Variants in CSMD1 observed in about 807,000 individuals in gnomAD.
CSMD1 encodes the protein CUB and sushi domain-containing protein 1.
A neutral mutation model predicts 417.5 loss-of-function variants in CSMD1; 213 were observed. The ratio of observed to expected loss-of-function variants is 0.51; its 90% confidence interval spans 0.46 to 0.57. The LOEUF is 0.57. CSMD1 is among the 20% of genes least tolerant of loss of function. CSMD1 has a pLI of 0.00. For synonymous variants in CSMD1, 2,862 were observed against 1,736.8 expected (o/e 1.65, Z -16.11); for missense variants, 6,923 against 4,529.7 (o/e 1.53, Z -15.17).
intron 3 of CSMD1, among the ~76,000 whole-genome samples, chr8:4,131,948 T>C (rs1023656059): frequency 1.3e-5 from 2 of 151,882 alleles, no homozygotes; most frequent in African/African-American, 2.4e-5. Context: ...TATTTTTTAG[T>C]AGAGACCGGC....
chr8:3,976,474 G>T (rs1310456166), intron 5 of CSMD1, among the ~76,000 whole-genome samples: 1 of 152,152 alleles, frequency 6.6e-6, no homozygotes, highest in African/African-American at 2.4e-5. Context: ...CCCGGGTCTA[G>T]AAGTGTGACT....
intron 10 of CSMD1, among the ~76,000 whole-genome samples, chr8:3,561,516 C>T (rs1474808875): frequency 6.6e-6 from 1 of 152,014 alleles, no homozygotes; most frequent in East Asian, 1.9e-4. Context: ...TAAAATAATG[C>T]AGAAATGGAA....
intron 2 of CSMD1, among the ~76,000 whole-genome samples, chr8:4,592,752 C>T (rs578222453): frequency 5.3e-5 from 8 of 152,054 alleles, no homozygotes; most frequent in East Asian, 1.9e-4. Flanking sequence ...TTTTTATCTA[C>T]GAATTTTAAT....
In CSMD1 at chr8:4,329,099, G is replaced by A. The variant is rs1173849317; in HGVS notation, c.415+90854C>T. ...TGCACAACAAATAAATCCAAGCCTT[G>A]TATTGCGTCTACAGACTGTATGGCT... On this transcript the variant is annotated intron_variant, in intron 3 of 69. Transcript: ENST00000635120. 2.6e-5 allele frequency among the ~76,000 whole-genome samples: 4 copies of A among 152,216 alleles called. No homozygotes were observed. The East Asian group carries it at 7.7e-4, about 29-fold the overall frequency.
intron 3 of CSMD1, among the ~76,000 whole-genome samples, chr8:4,166,503 G>C (rs959517497): frequency 6.6e-6 from 1 of 152,160 alleles, no homozygotes; most frequent in African/African-American, 2.4e-5. Flanking sequence ...AGTAACTCAG[G>C]AATGGAAAAG....
intron 5 of CSMD1, among the ~76,000 whole-genome samples, chr8:3,954,292 T>C (rs776669199): frequency 2.0e-5 from 3 of 152,146 alleles, no homozygotes; most frequent in Non-Finnish European, 2.9e-5. Flanking sequence ...GAAGGTGCGC[T>C]TGGGAGAGAC....
intron 1 of CSMD1, among the ~76,000 whole-genome samples, chr8:4,848,514 C>G (rs924872863): frequency 1.3e-5 from 2 of 151,978 alleles, no homozygotes; most frequent in Non-Finnish European, 2.9e-5. Flanking sequence ...AAAAGTCTAG[C>G]ACATAAAATG....
intron 26 of CSMD1, among the ~76,000 whole-genome samples, chr8:3,239,943 A>G (rs146738566): frequency 0.15 from 21,600 of 147,978 alleles, 2,076 homozygotes; most frequent in Admixed American, 0.21. Context: ...CAAAGAGTGA[A>G]TACAGCTGAA....
chr8:3,496,805 G>A (rs952340785), intron 10 of CSMD1, among the ~76,000 whole-genome samples: 2 of 152,022 alleles, frequency 1.3e-5, no homozygotes, highest in African/African-American at 4.8e-5. Context: ...ACTCCAACCT[G>A]GGCAACAGAG....
At chr8:4,074,652 T>C (rs899297094) in intron 3 of CSMD1, among the ~76,000 whole-genome samples, 2 of 152,102 alleles carry the variant, frequency 1.3e-5, no homozygotes, top group African/African-American at 2.4e-5. Context: ...GAAATATCCA[T>C]CCTTTTATAA....
intron 23 of CSMD1, among the ~76,000 whole-genome samples, chr8:3,311,251 C>G (rs1332395929): frequency 5.9e-5 from 9 of 152,100 alleles, no homozygotes; most frequent in East Asian, 1.9e-4. Flanking sequence ...CTACTAATAA[C>G]AAACAACTTT....
intron 3 of CSMD1, among the ~76,000 whole-genome samples, chr8:4,054,648 C>G (rs939248244): frequency 1.3e-5 from 2 of 152,108 alleles, no homozygotes; most frequent in East Asian, 1.9e-4. Context: ...AGGTAATGAA[C>G]AGGTCCTTGC....
chr8:4,881,626 T>C (rs974815620), intron 1 of CSMD1, among the ~76,000 whole-genome samples: 2 of 151,892 alleles, frequency 1.3e-5, no homozygotes, highest in Admixed American at 1.3e-4. Context: ...ATTTCTTAAA[T>C]TTGGAAATAA....
chr8:3,383,757 A>T (rs1416569309), intron 18 of CSMD1, among the ~76,000 whole-genome samples: 1 of 152,186 alleles, frequency 6.6e-6, no homozygotes, highest in East Asian at 1.9e-4. Context: ...AAGCAAAGAA[A>T]GAGATGCTTT....
chr8:3,485,400 A>G (rs981948640), intron 11 of CSMD1, among the ~76,000 whole-genome samples: 1 of 152,050 alleles, frequency 6.6e-6, no homozygotes, highest in Non-Finnish European at 1.5e-5. Context: ...TGTAGAAAAC[A>G]GGGAGTTGGC....
chr8:4,868,090 A>T (rs1228903476), intron 1 of CSMD1, among the ~76,000 whole-genome samples: 1 of 152,150 alleles, frequency 6.6e-6, no homozygotes, highest in Non-Finnish European at 1.5e-5. Context: ...AAAGCAATTT[A>T]AAACGACCTC....
At chr8:4,260,762 G>A (rs1399917560) in intron 3 of CSMD1, among the ~76,000 whole-genome samples, 1 of 152,094 alleles carries the variant, frequency 6.6e-6, no homozygotes, top group Non-Finnish European at 1.5e-5. Flanking sequence ...TTTAGGCTAA[G>A]TTATATAGGA....
At chr8:4,192,352 C>T (rs1357301418) in intron 3 of CSMD1, among the ~76,000 whole-genome samples, 2 of 152,126 alleles carry the variant, frequency 1.3e-5, no homozygotes, top group African/African-American at 2.4e-5. Context: ...ATCAGCAGTT[C>T]TTGGATGTCT....
At chr8:4,786,501 A>G (rs1483982739) in intron 1 of CSMD1, among the ~76,000 whole-genome samples, 1 of 152,138 alleles carries the variant, frequency 6.6e-6, no homozygotes, top group East Asian at 1.9e-4. Context: ...TTTATTGGCA[A>G]TGAGATGTAA....
Sources: allele counts gnomAD v4.1 joint callset (sites outside exome capture counted in the v4.1 genomes callset), GRCh38; gene constraint gnomAD v4.1.1; transcripts MANE v1.5; gene names NCBI Gene and HGNC (gene_info 2026-07-23, HGNC 2026-07-21).